Variants in MEGF9 observed in about 807,000 individuals in gnomAD.
The protein encoded by MEGF9 is multiple EGF like domains 9.
MEGF9 carries 6 observed loss-of-function variants against 46.8 expected under a neutral mutation model. The ratio of observed to expected loss-of-function variants is 0.13; its 90% CI spans 0.07 to 0.25. MEGF9 has a LOEUF of 0.25. Among genes scored for constraint, MEGF9 ranks in the 10% least tolerant of loss-of-function variants. The pLI is 1.00. For missense variants in MEGF9, 683 were observed against 792.4 expected (o/e 0.86, Z 1.66); for synonymous variants, 302 against 330.7 (o/e 0.91, Z 0.94).
At chr9:120,709,153 A>G (rs2043941519) in intron 1 of MEGF9, among the ~76,000 whole-genome samples, 2 of 152,324 alleles carry the variant, frequency 1.3e-5, no homozygotes, top group South Asian at 4.1e-4. Context: ...AGGGCCAGGC[A>G]CAGTGGCTCA....
At position 120,709,005 on chromosome 9, in the gene MEGF9, A is replaced by G. The variant is rs118061963; in HGVS notation, c.601+4753T>C. ...GCTACTGTGATTAGGAACTAACCACATCAACATCAGTACCCCATCCAGAAG... is the reference window on the plus strand; with the variant it reads ...GCTACTGTGATTAGGAACTAACCACGTCAACATCAGTACCCCATCCAGAAG... On this transcript the variant is annotated intron_variant, in intron 1 of 5. Transcript: ENST00000373930. Among the ~76,000 whole-genome samples the G allele has an allele frequency of 5.1e-4, 78 of 152,364 alleles. 2 individuals are homozygous for G. In the East Asian group the frequency reaches 0.013, roughly 26 times the overall value.
At chr9:120,649,168 G>A (rs187841903) in intron 2 of MEGF9, among the ~76,000 whole-genome samples, 52 of 152,228 alleles carry the variant, frequency 3.4e-4, no homozygotes, top group Admixed American at 1.2e-3. Flanking sequence ...TTGTTGTACT[G>A]TTATTTTTAA....
In MEGF9 at chr9:120,713,848, G is replaced by T; in HGVS notation, c.511C>A (p.Arg171=). The T allele has an allele frequency of 7.7e-7, 1 of 1,301,762 alleles. No homozygotes were observed. Among genetic ancestry groups the T allele is most frequent in the Non-Finnish European group, 9.8e-7 (1 of 1,022,884 alleles). The allele number at this position is 1,301,762 out of a possible 1,614,324, so 80.6% of individuals were successfully genotyped here. Residue 171 remains arginine, a synonymous_variant, in exon 1 of 6, where the codon CGG becomes AGG. Transcript: ENST00000373930. ...ATTVPAPTTP[R]TPTPDLPSSS... The stretch of plus-strand genomic sequence containing the variant: ...CTGGGGAGATCGGGGGTCGGGGTCC[G>T]GGGAGTCGTGGGCGCCGGTACGGTG...
chr9:120,659,594 AAG>A lies in MEGF9; in HGVS notation c.602-21_602-20del. ...ACATACTCTGCAAAGGAAAGAAGGA[AAG>A]AGACATTACCAACTAAGATTTAATG... On this transcript the variant is annotated intron_variant, in intron 1 of 5. Coordinates refer to ENST00000373930, the MANE Select transcript of MEGF9 (RefSeq NM_001080497.3). 1 of 1,567,584 alleles carries A rather than the reference AAG, an allele frequency of 6.4e-7. No individual in the cohort carries two copies. Among genetic ancestry groups the A allele is most frequent in the East Asian group, 2.3e-5 (1 of 43,310 alleles).
chr9:120,646,776 G>A (rs1226175169), intron 2 of MEGF9, among the ~76,000 whole-genome samples: 1 of 151,836 alleles, frequency 6.6e-6, no homozygotes, highest in African/African-American at 2.4e-5. Flanking sequence ...TCTCTCACAA[G>A]GCTTATTAAA....
intron 2 of MEGF9, among the ~76,000 whole-genome samples, chr9:120,653,896 T>C (rs1030284915): frequency 6.6e-6 from 1 of 152,204 alleles, no homozygotes; most frequent in Non-Finnish European, 1.5e-5. Flanking sequence ...TGCAATCATC[T>C]AAAATTATGG....
chr9:120,617,707 A>AAT (rs1170737572), intron 3 of MEGF9, among the ~76,000 whole-genome samples: 1 of 152,146 alleles, frequency 6.6e-6, no homozygotes, highest in Non-Finnish European at 1.5e-5. Flanking sequence ...GGGATCAGAG[A>AAT]ATAGGGAGAG....
At chr9:120,691,225 C>T (rs2043846582) in intron 1 of MEGF9, among the ~76,000 whole-genome samples, 1 of 152,056 alleles carries the variant, frequency 6.6e-6, no homozygotes, top group African/African-American at 2.4e-5. Context: ...ATCAATCAAT[C>T]AAGTCTCTAG....
At chr9:120,619,430 A>G (rs564760085) in intron 3 of MEGF9, among the ~76,000 whole-genome samples, 1 of 152,326 alleles carries the variant, frequency 6.6e-6, no homozygotes, top group South Asian at 2.1e-4. Context: ...TGGACCAGGC[A>G]CTATATAAAG....
At chr9:120,694,133 C>T (rs2043863862) in intron 1 of MEGF9, among the ~76,000 whole-genome samples, 1 of 152,246 alleles carries the variant, frequency 6.6e-6, no homozygotes, top group Admixed American at 6.5e-5. Context: ...AGATGCATTA[C>T]AACTAACAGT....
intron 2 of MEGF9, among the ~76,000 whole-genome samples, chr9:120,654,585 TTAA>T (rs1228474435): frequency 2.0e-5 from 3 of 152,168 alleles, no homozygotes; most frequent in Non-Finnish European, 2.9e-5. Flanking sequence ...TACATAATAC[TTAA>T]TAATGAAAAT....
chr9:120,623,812 A>G (rs996137081), intron 2 of MEGF9, among the ~76,000 whole-genome samples: 1 of 152,238 alleles, frequency 6.6e-6, no homozygotes, highest in Non-Finnish European at 1.5e-5. Context: ...AAAATTATAA[A>G]GAACATAATG....
chr9:120,713,426 G>A (rs1265368927), intron 1 of MEGF9, among the ~76,000 whole-genome samples: 1 of 152,148 alleles, frequency 6.6e-6, no homozygotes, highest in Non-Finnish European at 1.5e-5. Context: ...AAATAACCCA[G>A]GCAGAGAGGC....
At chr9:120,611,865 A>AGGAAGGAAGGAAGGGAG (rs572613293) in intron 4 of MEGF9, among the ~76,000 whole-genome samples, 1 of 137,152 alleles carries the variant, frequency 7.3e-6, no homozygotes, top group African/African-American at 3.0e-5. Flanking sequence ...GGAAGGAAGA[A>AGGAAGGAAGGAAGGGAG]AGAGAGAGAG....
At chr9:120,673,130 A>AC (rs1435561718) in intron 1 of MEGF9, among the ~76,000 whole-genome samples, 3 of 152,258 alleles carry the variant, frequency 2.0e-5, no homozygotes, top group African/African-American at 7.2e-5. Flanking sequence ...TTTTAATACC[A>AC]CTTAGAATAG....
chr9:120,654,571 A>G (rs909528840), intron 2 of MEGF9, among the ~76,000 whole-genome samples: 1 of 152,262 alleles, frequency 6.6e-6, no homozygotes, highest in African/African-American at 2.4e-5. Context: ...ACAATTATAC[A>G]CAGTACATAA....
intron 1 of MEGF9, among the ~76,000 whole-genome samples, chr9:120,677,899 A>G (rs951013639): frequency 2.6e-5 from 4 of 152,122 alleles, no homozygotes; most frequent in Non-Finnish European, 5.9e-5. Context: ...GTACCCATTA[A>G]CCATCCCCAC....
chr9:120,604,456 A>T lies in MEGF9; in HGVS notation c.*734T>A, dbSNP rs1426151148. On this transcript the variant is annotated 3_prime_UTR_variant, in exon 6 of 6. Transcript: ENST00000373930. ...CAACGTCGACCAGATATGCTACATT[A>T]ACTATGTACACCTTATTTCTCTAGA... 1 of 152,604 alleles carries T rather than the reference A, an allele frequency of 6.6e-6. No homozygotes were observed. Among genetic ancestry groups the T allele is most frequent in the Non-Finnish European group, 1.5e-5 (1 of 68,042 alleles). The allele number at this position is 152,604 out of a possible 1,614,324, so 9.5% of individuals were successfully genotyped here.
rs1403930219 is a variant in MEGF9 at position 120,602,212 on chromosome 9, C to G, written c.*2978G>C. 3 of 152,304 alleles carry G rather than the reference C, an allele frequency of 2.0e-5. No individual in the cohort carries two copies. Among genetic ancestry groups the G allele is most frequent in the African/African-American group, 7.2e-5 (3 of 41,432 alleles). 9.4% of individuals were successfully genotyped at this position (152,304 alleles called of 1,614,324 possible). On this transcript the variant is annotated 3_prime_UTR_variant, in exon 6 of 6. Coordinates refer to ENST00000373930, the MANE Select transcript of MEGF9 (RefSeq NM_001080497.3). ...AGAGACGGGATTTCGCCATGTTGAC[C>G]AGGCTGGTCTCGAACTCCTGACCTT...
Sources: allele counts gnomAD v4.1 joint callset (sites outside exome capture counted in the v4.1 genomes callset), GRCh38; gene constraint gnomAD v4.1.1; transcripts MANE v1.5; gene names NCBI Gene and HGNC (gene_info 2026-07-23, HGNC 2026-07-21).